KIAA0319: variants seen among roughly 807,000 people sequenced by gnomAD.
KIAA0319 encodes the protein dyslexia-associated protein KIAA0319.
In KIAA0319, 83 loss-of-function variants were observed where a neutral mutation model predicts 108.4. The observed-to-expected ratio is 0.77, with a 90% CI of 0.64 to 0.92. KIAA0319 has a LOEUF of 0.92. KIAA0319 is among the 40% of genes least tolerant of loss of function. The pLI is 0.00. For synonymous variants in KIAA0319, 484 were observed against 510.4 expected (o/e 0.95, Z 0.70); for missense variants, 1,195 against 1,322.4 (o/e 0.90, Z 1.49).
chr6:24,562,193 G>A (rs1763201102), intron 16 of KIAA0319, among the ~76,000 whole-genome samples: 1 of 152,178 alleles, frequency 6.6e-6, no homozygotes, highest in Non-Finnish European at 1.5e-5. Context: ...AATTTTAGTA[G>A]TATGAGTCTT....
At chr6:24,585,056 A>G (rs1287268937) in intron 4 of KIAA0319, among the ~76,000 whole-genome samples, 5 of 152,228 alleles carry the variant, frequency 3.3e-5, no homozygotes, top group African/African-American at 7.2e-5. Flanking sequence ...CTCAGGAAAC[A>G]TGACCCTTAC....
chr6:24,563,057 T>C (rs2744548), intron 16 of KIAA0319, among the ~76,000 whole-genome samples: 7,666 of 152,070 alleles, frequency 0.05, 434 homozygotes, highest in African/African-American at 0.14. Flanking sequence ...CTTCACATGC[T>C]CCAGACCCCT....
chr6:24,578,095 C>A lies in KIAA0319; in HGVS notation c.1505+15G>T. 1 of 1,604,400 alleles carries A rather than the reference C, an allele frequency of 6.2e-7. No individual in the cohort carries two copies. Among genetic ancestry groups the A allele is most frequent in the Non-Finnish European group, 8.5e-7 (1 of 1,175,800 alleles). On this transcript the variant is annotated intron_variant, in intron 9 of 20. Transcript: ENST00000378214. ...TAAGTAGCAGGCAGCACAATAAAGG[C>A]AGGGACCCACTTGCCTGAAACTATA...
chr6:24,629,473 C>T (rs1216904793), intron 1 of KIAA0319, among the ~76,000 whole-genome samples: 1 of 132,086 alleles, frequency 7.6e-6, no homozygotes, highest in Non-Finnish European at 1.5e-5. Flanking sequence ...CGAGATCGTG[C>T]CACTGCACTC....
rs774674895 is a variant in KIAA0319, at chr6:24,596,162, C to T, written c.512G>A (p.Ser171Asn). The T allele has an allele frequency of 2.5e-6, 4 of 1,614,012 alleles. No individual in the cohort carries two copies. The highest frequency in any genetic ancestry group is 1.6e-4 in the Middle Eastern group (1 of 6,084). Residue 171 changes from serine (S) to asparagine (N), a missense_variant, in exon 3 of 21, where the codon AGT becomes AAT. By Grantham distance (46) the Ser-to-Asn change is conservative. Transcript: ENST00000378214. ...RELEKDLLQP[S>N]GKQEPRGSAE... ...ACTCCCTCTGGGCTCCTGCTTGCCACTGGGTTGCAAGAGGTCCTTCTCCAG... is the reference window on the plus strand; with the variant it reads ...ACTCCCTCTGGGCTCCTGCTTGCCATTGGGTTGCAAGAGGTCCTTCTCCAG...
At chr6:24,551,954 T>A (rs118018742) in intron 19 of KIAA0319, among the ~76,000 whole-genome samples, 14 of 151,856 alleles carry the variant, frequency 9.2e-5, no homozygotes, top group Admixed American at 2.0e-4. Flanking sequence ...CAGAAAAAAA[T>A]AGCAAAAATT....
At chr6:24,618,848 A>G (rs972769443) in intron 1 of KIAA0319, among the ~76,000 whole-genome samples, 14 of 152,182 alleles carry the variant, frequency 9.2e-5, no homozygotes, top group African/African-American at 3.1e-4. Flanking sequence ...AACCAAGCAC[A>G]ACTTCTAAAA....
At position 24,554,546 on chromosome 6, in the gene KIAA0319, G is replaced by A. The variant is rs760800084; in HGVS notation, c.2943C>T (p.Cys981=). 4.3e-6 allele frequency: 7 copies of A among 1,611,438 alleles called. No individual in the cohort carries two copies. The highest frequency in any genetic ancestry group is 5.9e-6 in the Non-Finnish European group (7 of 1,177,650). ...GGFTWLCICC[C]KRQKRTKIRK... ...GGAATAAGCACTCTAGGTACCTTTT[G>A]CAGCAGCAGATGCAAAGCCAAGTGA... is the stretch of plus-strand genomic sequence containing the variant. Residue 981 remains cysteine (C), a synonymous_variant, in exon 19 of 21, where the codon TGC becomes TGT. Transcript: ENST00000378214.
At chr6:24,574,758 G>A (rs1448749560) in intron 10 of KIAA0319, among the ~76,000 whole-genome samples, 3 of 151,996 alleles carry the variant, frequency 2.0e-5, no homozygotes, top group African/African-American at 4.8e-5. Context: ...GTGCTACCAG[G>A]GGAACTTCTG....
Position 24,599,015 on chromosome 6 carries a change from C to A in KIAA0319, c.55+2034G>T. On this transcript the variant is annotated intron_variant, in intron 2 of 20. Transcript: ENST00000378214. The surrounding 1 kb of genome is among the most constrained non-coding windows in gnomAD (Gnocchi z 4.1). Reference sequence around the variant, plus strand: ...GCCTGGAAGGGCTGAATAACGAGATCAACTTCCTCAGGCAGCTGTATGAAG... The same window carrying A: ...GCCTGGAAGGGCTGAATAACGAGATAAACTTCCTCAGGCAGCTGTATGAAG... 1.4e-6 allele frequency: 1 copy of A among 717,520 alleles called. No individual in the cohort carries two copies. The highest frequency in any genetic ancestry group is 2.5e-6 in the Non-Finnish European group (1 of 395,516). 44.4% of individuals were successfully genotyped at this position (717,520 alleles called of 1,614,324 possible). A position where few individuals can be genotyped will look rare whatever the true frequency, so the allele number is the denominator to read the frequency against.
In KIAA0319 at chr6:24,547,191, AG is replaced by A; in HGVS notation, c.3192del (p.Phe1065SerfsTer41). On this transcript the variant is annotated frameshift_variant, in exon 21 of 21. Coordinates refer to ENST00000378214, the MANE Select transcript of KIAA0319 (RefSeq NM_014809.4). LOFTEE classifies it high-confidence loss of function. ...TATCTGTCCTTTGAGCAATAACTGA[AG>A]GAAGCTCCATTTCTGATGGAACCAT... ...SMNGSIRNGA[S>X]FSYCSKDR The A allele has an allele frequency of 6.2e-7, 1 of 1,614,156 alleles. No homozygotes were observed. The highest frequency in any genetic ancestry group is 1.1e-5 in the South Asian group (1 of 91,086).
chr6:24,552,161 G>C (rs2127416051), intron 19 of KIAA0319, among the ~76,000 whole-genome samples: 1 of 152,204 alleles, frequency 6.6e-6, no homozygotes, highest in Admixed American at 6.5e-5. Context: ...GCAATATTCT[G>C]GGAGCATGAT....
chr6:24,623,057 G>A (rs1339080114), intron 1 of KIAA0319, among the ~76,000 whole-genome samples: 1 of 150,994 alleles, frequency 6.6e-6, no homozygotes. Context: ...AAAAAAAAAA[G>A]AGAGAGAGAG....
chr6:24,569,874 G>T, intron 12 of KIAA0319, 29 bp downstream of exon 12: 1 of 1,611,924 alleles, frequency 6.2e-7, no homozygotes, highest in South Asian at 1.1e-5. Context: ...GCATGGGCAT[G>T]AACCTAGCTC....
chr6:24,595,938 C>T lies in KIAA0319; in HGVS notation c.736G>A (p.Glu246Lys), dbSNP rs1421927768. ...LPLPTTPSSG[E>K]VLEKEKASQL... Reference sequence around the variant, plus strand: ...GAAGCCTTTTCTTTCTCCAACACCTCTCCTGAAGATGGAGTAGTCGGCAAG... The same window carrying T: ...GAAGCCTTTTCTTTCTCCAACACCTTTCCTGAAGATGGAGTAGTCGGCAAG... The change falls in exon 3 of 21, where the codon GAG becomes AAG. Residue 246 changes from glutamate to lysine, a missense_variant. Coordinates refer to ENST00000378214, the MANE Select transcript of KIAA0319 (RefSeq NM_014809.4). The T allele has an allele frequency of 6.2e-7, 1 of 1,614,024 alleles. No individual in the cohort carries two copies. The highest frequency in any genetic ancestry group is 1.7e-5 in the Admixed American group (1 of 60,016).
chr6:24,631,166 T>C (rs1264924944), intron 1 of KIAA0319, among the ~76,000 whole-genome samples: 2 of 152,340 alleles, frequency 1.3e-5, no homozygotes, highest in East Asian at 3.9e-4. Flanking sequence ...ATTTAGCCAG[T>C]GGGGCAGCTA....
chr6:24,587,534 C>T (rs1323292711), intron 4 of KIAA0319, among the ~76,000 whole-genome samples: 3 of 152,110 alleles, frequency 2.0e-5, no homozygotes, highest in African/African-American at 2.4e-5. Context: ...CCCACCTCGG[C>T]CTCCCAAAGT....
At position 24,617,202 on chromosome 6, in the gene KIAA0319, C is replaced by G. The variant is rs1008638871; in HGVS notation, c.-105-15994G>C. Among the ~76,000 whole-genome samples, 6 of 150,758 alleles carry G rather than the reference C, an allele frequency of 4.0e-5. No individual in the cohort carries two copies. In the East Asian group the frequency reaches 1.2e-3, roughly 29 times the overall value. On this transcript the variant is annotated intron_variant, in intron 1 of 20. Transcript: ENST00000378214. Reference sequence around the variant, plus strand: ...AATACTAATAATAATAAAATGGAACCTCAAATGTCCAATATTAGGATATGA... The same window carrying G: ...AATACTAATAATAATAAAATGGAACGTCAAATGTCCAATATTAGGATATGA...
At chr6:24,618,563 C>T (rs1287178532) in intron 1 of KIAA0319, among the ~76,000 whole-genome samples, 2 of 151,950 alleles carry the variant, frequency 1.3e-5, no homozygotes, top group Admixed American at 6.6e-5. Flanking sequence ...CATGATCACA[C>T]CACTGCACTC....
Sources: allele counts gnomAD v4.1 joint callset (sites outside exome capture counted in the v4.1 genomes callset), GRCh38; gene constraint gnomAD v4.1.1; non-coding constraint Gnocchi (gnomAD v3.1); transcripts MANE v1.5; gene names NCBI Gene and HGNC (gene_info 2026-07-23, HGNC 2026-07-21).